PRIM2: variants seen among roughly 807,000 people sequenced by gnomAD.
PRIM2 encodes the protein DNA primase subunit 2.
A neutral mutation model predicts 67.3 loss-of-function variants in PRIM2; 39 were observed. That is an observed-to-expected ratio of 0.58 (90% CI 0.45 to 0.76). The LOEUF is 0.76. Ranked by LOEUF, PRIM2 falls within the 30% of genes least tolerant of loss-of-function variation. The pLI is 0.00. For synonymous variants in PRIM2, 143 were observed against 198.7 expected (o/e 0.72, Z 2.36); for missense variants, 398 against 598.7 (o/e 0.66, Z 3.50).
upstream of PRIM2, among the ~76,000 whole-genome samples, chr6:57,312,455 T>TCA: frequency 6.6e-6 from 1 of 152,114 alleles, no homozygotes; most frequent in Non-Finnish European, 1.5e-5. Context: ...TGGGCAGTGA[T>TCA]AGCATCACTG....
chr6:57,560,201 C>T (rs1331293095), intron 10 of PRIM2, among the ~76,000 whole-genome samples: 1 of 151,970 alleles, frequency 6.6e-6, no homozygotes, highest in Non-Finnish European at 1.5e-5. Flanking sequence ...GCATCTTCAC[C>T]AGGAATAGTT....
intron 8 of PRIM2, among the ~76,000 whole-genome samples, chr6:57,509,797 T>A (rs1554347532): frequency 6.7e-6 from 1 of 149,226 alleles, no homozygotes; most frequent in African/African-American, 2.4e-5. Flanking sequence ...TAGAACATTT[T>A]AAATGTATTT....
the PRIM2 span, among the ~76,000 whole-genome samples, chr6:57,298,429 C>T: frequency 6.6e-6 from 1 of 152,042 alleles, no homozygotes; most frequent in Admixed American, 6.6e-5. Flanking sequence ...CATCAATTCA[C>T]AGACTGGTAC....
At chr6:57,498,000 A>G (rs1422868776) in intron 7 of PRIM2, among the ~76,000 whole-genome samples, 7 of 152,224 alleles carry the variant, frequency 4.6e-5, no homozygotes, top group African/African-American at 1.4e-4. Flanking sequence ...CAAAAGACAC[A>G]GGATTTTCTG....
At chr6:57,499,719 T>C (rs1216508067) in intron 7 of PRIM2, among the ~76,000 whole-genome samples, 4 of 152,230 alleles carry the variant, frequency 2.6e-5, no homozygotes. Flanking sequence ...ATCTGTCTTT[T>C]GTTATAGGAC....
chr6:57,349,322 A>G (rs1239281861), intron 5 of PRIM2, among the ~76,000 whole-genome samples: 1 of 150,822 alleles, frequency 6.6e-6, no homozygotes, highest in Non-Finnish European at 1.5e-5. Context: ...CAATGCACAC[A>G]CCGTGTCAGT....
chr6:57,234,509 GTTTTAT>G, the PRIM2 span, among the ~76,000 whole-genome samples: 1 of 152,022 alleles, frequency 6.6e-6, no homozygotes, highest in African/African-American at 2.4e-5. Flanking sequence ...TGTCTGCTGT[GTTTTAT>G]TTTTATTTTA....
At chr6:57,525,878 A>G (rs1316143426) in intron 8 of PRIM2, among the ~76,000 whole-genome samples, 1 of 152,178 alleles carries the variant, frequency 6.6e-6, no homozygotes, top group Non-Finnish European at 1.5e-5. Flanking sequence ...AAGGTGCTTA[A>G]TAAGTGTATG....
At chr6:57,283,321 T>A in the PRIM2 span, among the ~76,000 whole-genome samples, 10 of 152,298 alleles carry the variant, frequency 6.6e-5, no homozygotes, top group African/African-American at 1.9e-4. Context: ...TGCCTTCTTG[T>A]TGACCTCTTA....
At chr6:57,288,533 C>A in the PRIM2 span, among the ~76,000 whole-genome samples, 1 of 152,150 alleles carries the variant, frequency 6.6e-6, no homozygotes, top group African/African-American at 2.4e-5. Flanking sequence ...CTGGGAGATA[C>A]CTCCCAATAG....
chr6:57,229,629 A>G, the PRIM2 span, among the ~76,000 whole-genome samples: 1 of 152,036 alleles, frequency 6.6e-6, no homozygotes, highest in Admixed American at 6.6e-5. Context: ...CTGGGATTAC[A>G]GGCACATGCC....
chr6:57,305,591 A>G, the PRIM2 span, among the ~76,000 whole-genome samples: 1 of 152,244 alleles, frequency 6.6e-6, no homozygotes, highest in Non-Finnish European at 1.5e-5. Flanking sequence ...AGAACATTGA[A>G]AAGTGCCATC....
At chr6:57,556,929 AAAAC>A (rs1295251559) in intron 10 of PRIM2, among the ~76,000 whole-genome samples, 6 of 146,908 alleles carry the variant, frequency 4.1e-5, no homozygotes, top group African/African-American at 1.0e-4. Context: ...ATTTAAAAGA[AAAAC>A]AAAAAAAAGT....
chr6:57,260,292 C>T, the PRIM2 span, among the ~76,000 whole-genome samples: 1 of 152,122 alleles, frequency 6.6e-6, no homozygotes, highest in East Asian at 1.9e-4. Flanking sequence ...ATATCTAAAC[C>T]ATTGATATTG....
At chr6:57,556,558 A>G (rs1775517505) in intron 10 of PRIM2, among the ~76,000 whole-genome samples, 1 of 152,210 alleles carries the variant, frequency 6.6e-6, no homozygotes, top group African/African-American at 2.4e-5. Flanking sequence ...TTCAACAAGT[A>G]GTGCTGGGAT....
Position 57,580,298 on chromosome 6 carries a change from C to T in PRIM2, c.1021-20795C>T, listed in dbSNP as rs1233773501. Among the ~76,000 whole-genome samples the T allele has an allele frequency of 3.1e-3, 467 of 152,312 alleles. 2 individuals carry two copies. The highest frequency in any genetic ancestry group is 5.0e-3 in the Non-Finnish European group (340 of 68,032). ...GTTTTAAAACCTTAGACTCATTGCA[C>T]ATAATAGTTTTACTAGGTTATGAGT... On this transcript the variant is annotated intron_variant, in intron 10 of 13. Transcript: ENST00000615550.
chr6:57,582,779 TTTATTATTA>T (rs1156398291), intron 10 of PRIM2, among the ~76,000 whole-genome samples: 6 of 147,242 alleles, frequency 4.1e-5, no homozygotes, highest in South Asian at 2.1e-4. Context: ...TAATATTTTC[TTTATTATTA>T]TTATTATTAT....
intron 2 of PRIM2, among the ~76,000 whole-genome samples, chr6:57,320,196 T>C (rs529353569): frequency 1.3e-3 from 205 of 152,262 alleles, no homozygotes; most frequent in Non-Finnish European, 2.6e-3. Context: ...CAGGAATGAT[T>C]ATTCACCATC....
intron 7 of PRIM2, among the ~76,000 whole-genome samples, chr6:57,451,446 A>G (rs1194767265): frequency 3.3e-5 from 5 of 152,160 alleles, no homozygotes; most frequent in African/African-American, 1.2e-4. Flanking sequence ...AGCCTGATAT[A>G]GTAACATTGT....
Sources: gnomAD v4.1 joint callset for allele counts (sites outside exome capture counted in the v4.1 genomes callset) on GRCh38, gnomAD v4.1.1 for gene constraint, MANE v1.5 for transcripts, NCBI Gene and HGNC (gene_info 2026-07-23, HGNC 2026-07-21) for gene names.